The following STPG2 variants were observed in gnomAD, a reference collection of about 807,000 sequenced individuals.
STPG2 encodes sperm tail PG-rich repeat containing 2, also known as sperm-tail PG-rich repeat-containing protein 2.
A neutral mutation model predicts 54.2 loss-of-function variants in STPG2; 56 were observed. The observed-to-expected ratio is 1.03, with a 90% CI of 0.83 to 1.29. The LOEUF (loss-of-function observed/expected upper bound fraction) is 1.29. Among genes scored for constraint, STPG2 ranks in the 50% most tolerant of loss-of-function variants. The pLI is 0.00. For synonymous variants in STPG2, 200 were observed against 181.8 expected (o/e 1.10, Z -0.81); for missense variants, 596 against 544.9 (o/e 1.09, Z -0.93).
intron 10 of STPG2, among the ~76,000 whole-genome samples, chr4:97,566,968 T>A (rs908983605): frequency 6.6e-6 from 1 of 151,792 alleles, no homozygotes; most frequent in African/African-American, 2.4e-5. Context: ...ACCAGCATGG[T>A]ACATGTATAC....
At chr4:97,465,883 C>G (rs1448022540) in intron 4 of STPG2, among the ~76,000 whole-genome samples, 1 of 151,828 alleles carries the variant, frequency 6.6e-6, no homozygotes, top group South Asian at 2.1e-4. Flanking sequence ...AGAGGGTGAA[C>G]TGTAATGTTC....
intron 4 of STPG2, among the ~76,000 whole-genome samples, chr4:97,484,466 G>T (rs761562416): frequency 1.4e-4 from 21 of 151,590 alleles, no homozygotes; most frequent in Admixed American, 4.0e-4. Context: ...ACCTAGAAAA[G>T]ATAAATGAAT....
chr4:97,793,732 TTCAG>T (rs1156440865), intron 9 of STPG2, among the ~76,000 whole-genome samples: 3 of 152,026 alleles, frequency 2.0e-5, no homozygotes, highest in African/African-American at 4.8e-5. Flanking sequence ...TAAAGCACTG[TTCAG>T]TCAAAGAACA....
At chr4:97,459,002 A>C (rs2148805721) in intron 4 of STPG2, among the ~76,000 whole-genome samples, 1 of 152,294 alleles carries the variant, frequency 6.6e-6, no homozygotes, top group Middle Eastern at 3.4e-3. Context: ...TGAATTTGAT[A>C]ATGTTTTATG....
At chr4:97,740,191 T>A (rs1194369792) in intron 9 of STPG2, among the ~76,000 whole-genome samples, 2 of 152,106 alleles carry the variant, frequency 1.3e-5, no homozygotes, top group Non-Finnish European at 2.9e-5. Flanking sequence ...TCTCAATAAA[T>A]TAGGTATTGA....
intron 10 of STPG2, among the ~76,000 whole-genome samples, chr4:97,619,612 T>C (rs1292475857): frequency 6.6e-6 from 1 of 151,760 alleles, no homozygotes; most frequent in African/African-American, 2.4e-5. Context: ...CTGTTATCTT[T>C]TTCCTAACAC....
chr4:98,092,748 T>C (rs1012778804), intron 5 of STPG2, among the ~76,000 whole-genome samples: 6 of 152,022 alleles, frequency 3.9e-5, no homozygotes, highest in Non-Finnish European at 7.4e-5. Context: ...ATAAATAACA[T>C]CTTTTAATAT....
chr4:97,634,717 A>G (rs1260125057), intron 10 of STPG2, among the ~76,000 whole-genome samples: 1 of 152,152 alleles, frequency 6.6e-6, no homozygotes. Flanking sequence ...AGCCGATGCA[A>G]TCAACTGGAA....
intron 5 of STPG2, among the ~76,000 whole-genome samples, chr4:98,046,176 G>T (rs866852692): frequency 1.3e-5 from 2 of 150,888 alleles, no homozygotes; most frequent in Middle Eastern, 3.5e-3. Context: ...CAGATCAGTT[G>T]CTGGATTCTT....
chr4:97,745,914 G>T (rs1725408613), intron 9 of STPG2, among the ~76,000 whole-genome samples: 1 of 151,192 alleles, frequency 6.6e-6, no homozygotes, highest in Admixed American at 6.6e-5. Context: ...TTAACATCTG[G>T]ATTTCTAGTT....
chr4:97,473,966 G>GTT (rs34155643), intron 4 of STPG2, among the ~76,000 whole-genome samples: 3 of 151,108 alleles, frequency 2.0e-5, no homozygotes, highest in African/African-American at 7.3e-5. Flanking sequence ...AGAATAGAGG[G>GTT]TTTTTTTTTG....
intron 9 of STPG2, among the ~76,000 whole-genome samples, chr4:97,758,766 T>C (rs932280579): frequency 1.3e-5 from 2 of 152,144 alleles, no homozygotes; most frequent in African/African-American, 4.8e-5. Context: ...ATTCTTCACA[T>C]GTATCCCAGA....
intron 4 of STPG2, among the ~76,000 whole-genome samples, chr4:97,548,392 T>C (rs1731892321): frequency 1.3e-5 from 2 of 152,142 alleles, no homozygotes; most frequent in South Asian, 4.1e-4. Flanking sequence ...GCATCAGCAT[T>C]GCCAATTATA....
At chr4:97,985,319 G>C (rs1199874434) in intron 5 of STPG2, among the ~76,000 whole-genome samples, 2 of 152,092 alleles carry the variant, frequency 1.3e-5, no homozygotes, top group Non-Finnish European at 2.9e-5. Flanking sequence ...CTGGAAGGAA[G>C]AGCAAAGGGC....
At chr4:97,782,256 G>T (rs1015611333) in intron 9 of STPG2, among the ~76,000 whole-genome samples, 1 of 152,220 alleles carries the variant, frequency 6.6e-6, no homozygotes, top group African/African-American at 2.4e-5. Context: ...AAATCAATGT[G>T]CAAAAATCAC....
intron 9 of STPG2, among the ~76,000 whole-genome samples, chr4:97,838,493 T>C (rs992496409): frequency 6.6e-6 from 1 of 151,008 alleles, no homozygotes; most frequent in African/African-American, 2.4e-5. Flanking sequence ...TATATTAATA[T>C]TAAAAAGAAT....
At chr4:97,860,737 C>T (rs983852749) in intron 8 of STPG2, among the ~76,000 whole-genome samples, 1 of 152,004 alleles carries the variant, frequency 6.6e-6, no homozygotes, top group Non-Finnish European at 1.5e-5. Context: ...ATAGTTTAAC[C>T]TCCTTTTTAT....
chr4:97,694,696 C>T (rs1019653932), intron 10 of STPG2, among the ~76,000 whole-genome samples: 2 of 150,330 alleles, frequency 1.3e-5, no homozygotes, highest in Admixed American at 6.6e-5. Context: ...ACCTGTAGTC[C>T]CAGCTACTCA....
chr4:97,587,587 T>A (rs1409283221), intron 10 of STPG2, among the ~76,000 whole-genome samples: 1 of 152,004 alleles, frequency 6.6e-6, no homozygotes, highest in Non-Finnish European at 1.5e-5. Flanking sequence ...TATTTTTAAC[T>A]TACGGTGTTT....
Sources: gnomAD v4.1 joint callset for allele counts (sites outside exome capture counted in the v4.1 genomes callset) on GRCh38, gnomAD v4.1.1 for gene constraint, MANE v1.5 for transcripts, NCBI Gene and HGNC (gene_info 2026-07-23, HGNC 2026-07-21) for gene names.